Variants in PRKN observed in about 807,000 individuals in gnomAD.
PRKN encodes the protein E3 ubiquitin-protein ligase parkin.
PRKN carries 56 observed loss-of-function variants against 59.5 expected under a neutral mutation model. That is an observed-to-expected ratio of 0.94 (90% CI 0.76 to 1.18). PRKN has a LOEUF of 1.18. Among genes scored for constraint, PRKN ranks in the 50% most tolerant of loss-of-function variants. The pLI is 0.00. For synonymous variants in PRKN, 250 were observed against 222.1 expected (o/e 1.13, Z -1.12); for missense variants, 657 against 596.4 (o/e 1.10, Z -1.06).
At chr6:162,078,001 TAAAAAA>T (rs59795906) in intron 4 of PRKN, among the ~76,000 whole-genome samples, 4 of 123,544 alleles carry the variant, frequency 3.2e-5, no homozygotes, top group East Asian at 2.5e-4. Context: ...ACTCTCTCTC[TAAAAAA>T]AAAAAAAAAA....
intron 1 of PRKN, among the ~76,000 whole-genome samples, chr6:162,536,898 CAT>C (rs1279012623): frequency 2.0e-5 from 3 of 152,130 alleles, no homozygotes; most frequent in African/African-American, 7.2e-5. Context: ...TCACATGTAA[CAT>C]ATGTAAGTCT....
intron 7 of PRKN, among the ~76,000 whole-genome samples, chr6:161,610,126 A>G (rs1272420315): frequency 6.6e-6 from 1 of 152,180 alleles, no homozygotes; most frequent in Admixed American, 6.5e-5. Flanking sequence ...TAGGAACTCA[A>G]ACTGAATTAT....
intron 1 of PRKN, among the ~76,000 whole-genome samples, chr6:162,494,508 A>G (rs1041701126): frequency 6.6e-6 from 1 of 152,178 alleles, no homozygotes; most frequent in African/African-American, 2.4e-5. Flanking sequence ...CCAGCATCCA[A>G]TGTGAGACAA....
chr6:162,672,470 G>T (rs1779360114), intron 1 of PRKN, among the ~76,000 whole-genome samples: 1 of 151,976 alleles, frequency 6.6e-6, no homozygotes, highest in Admixed American at 6.6e-5. Context: ...TTTAACTTTT[G>T]TACTTTAAAG....
chr6:162,524,067 T>C (rs1778182550), intron 1 of PRKN, among the ~76,000 whole-genome samples: 1 of 152,112 alleles, frequency 6.6e-6, no homozygotes. Context: ...AGAAATGGGG[T>C]TAACAACCCT....
intron 9 of PRKN, among the ~76,000 whole-genome samples, chr6:161,404,554 C>T (rs1787180657): frequency 6.6e-6 from 1 of 152,154 alleles, no homozygotes; most frequent in East Asian, 1.9e-4. Flanking sequence ...TCAGTGACCC[C>T]AATGGCATCT....
chr6:162,207,181 G>C (rs184674152), intron 3 of PRKN, among the ~76,000 whole-genome samples: 2 of 152,170 alleles, frequency 1.3e-5, no homozygotes, highest in East Asian at 3.9e-4. Flanking sequence ...GACCATCCTG[G>C]CTAACACGAT....
intron 4 of PRKN, among the ~76,000 whole-genome samples, chr6:162,109,785 T>A (rs1344975651): frequency 6.6e-6 from 1 of 152,212 alleles, no homozygotes; most frequent in Non-Finnish European, 1.5e-5. Context: ...TTGCTTTTTA[T>A]TTCATTTACC....
chr6:161,363,461 G>C lies in PRKN; in HGVS notation c.1168-3256C>G, dbSNP rs1185215368. ...ATAACAAATTAGATACAAATGAAGA[G>C]AGAATTTGTGAACTGAAAGATGGAG... is the stretch of plus-strand genomic sequence containing the variant. On this transcript the variant is annotated intron_variant, in intron 10 of 11. Coordinates refer to ENST00000366898, the MANE Select transcript of PRKN (RefSeq NM_004562.3). The surrounding 1 kb of genome is among the most constrained non-coding windows in gnomAD (Gnocchi z 4.1). 1.3e-5 allele frequency among the ~76,000 whole-genome samples: 2 copies of C among 152,074 alleles called. No individual in the cohort carries two copies. The highest frequency in any genetic ancestry group is 4.8e-5 in the African/African-American group (2 of 41,410).
chr6:162,219,300 C>G (rs998585415), intron 3 of PRKN, among the ~76,000 whole-genome samples: 1 of 152,176 alleles, frequency 6.6e-6, no homozygotes, highest in Non-Finnish European at 1.5e-5. Flanking sequence ...ATCTGTCAAA[C>G]ACTTCTTTAT....
At chr6:161,682,732 G>A (rs546984267) in intron 7 of PRKN, among the ~76,000 whole-genome samples, 1 of 152,244 alleles carries the variant, frequency 6.6e-6, no homozygotes, top group Admixed American at 6.5e-5. Context: ...GGGAGCAGAG[G>A]GCCGCTCTGC....
At chr6:162,650,414 C>T (rs1050103671) in intron 1 of PRKN, among the ~76,000 whole-genome samples, 7 of 151,746 alleles carry the variant, frequency 4.6e-5, no homozygotes, top group Middle Eastern at 3.4e-3. Context: ...CGGCTAAAAA[C>T]GGTGAAACCC....
intron 9 of PRKN, among the ~76,000 whole-genome samples, chr6:161,537,657 T>C (rs973099459): frequency 3.3e-5 from 5 of 152,144 alleles, no homozygotes; most frequent in South Asian, 2.1e-4. Flanking sequence ...TTCACCATGT[T>C]AGCCTGGATG....
chr6:161,679,741 CTTTTTTTTTTTTT>C (rs745812196), intron 7 of PRKN, among the ~76,000 whole-genome samples: 129 of 23,492 alleles, frequency 5.5e-3, no homozygotes, highest in African/African-American at 0.023. Context: ...TCAGAGCCAG[CTTTTTTTTTTTTT>C]TTTTTTTTTT....
At chr6:162,295,459 C>T (rs1781628660) in intron 2 of PRKN, among the ~76,000 whole-genome samples, 2 of 152,180 alleles carry the variant, frequency 1.3e-5, no homozygotes, top group African/African-American at 4.8e-5. Context: ...CCACGTAAGG[C>T]ACCCACAGCA....
rs1014416840 is a variant in PRKN at position 161,876,463 on chromosome 6, C to T, written c.735-90555G>A. Reference sequence around the variant, plus strand: ...AGTAGTTGTGACTACAGGCGCATGCCGTCACACCCAGCTAATTTTTTAAAT... The same window carrying T: ...AGTAGTTGTGACTACAGGCGCATGCTGTCACACCCAGCTAATTTTTTAAAT... On this transcript the variant is annotated intron_variant, in intron 6 of 11. Coordinates refer to ENST00000366898, the MANE Select transcript of PRKN (RefSeq NM_004562.3). 5.3e-5 allele frequency among the ~76,000 whole-genome samples: 8 copies of T among 152,120 alleles called. No homozygotes were observed. In the East Asian group the frequency reaches 5.8e-4, roughly 11 times the overall value.
chr6:162,135,757 TG>T (rs1191258318), intron 4 of PRKN, among the ~76,000 whole-genome samples: 1 of 151,936 alleles, frequency 6.6e-6, no homozygotes, highest in African/African-American at 2.4e-5. Context: ...GCTGAAGGAA[TG>T]GGGGAGGGGA....
chr6:161,978,899 C>T (rs2128253652), intron 5 of PRKN, among the ~76,000 whole-genome samples: 1 of 152,340 alleles, frequency 6.6e-6, no homozygotes, highest in East Asian at 1.9e-4. Context: ...GTGTCCTCTT[C>T]ATCAGGAAGC....
rs980454614 is a variant in PRKN at position 161,578,931 on chromosome 6, T to C, written c.872-9515A>G. Reference sequence around the variant, plus strand: ...AAGTTCTTCCTTTGTTATTGACCTATATTTTGAGTGATTGTGATGATACAT... The same window carrying C: ...AAGTTCTTCCTTTGTTATTGACCTACATTTTGAGTGATTGTGATGATACAT... On this transcript the variant is annotated intron_variant, in intron 7 of 11. Transcript: ENST00000366898. This position sits in a 1 kb window ranked among gnomAD's most constrained non-coding sequence, Gnocchi z 4.2. Among the ~76,000 whole-genome samples the C allele has an allele frequency of 2.0e-5, 3 of 152,264 alleles. No homozygotes were observed. Among genetic ancestry groups the C allele is most frequent in the Non-Finnish European group, 2.9e-5 (2 of 68,046 alleles).
Sources: allele counts gnomAD v4.1 joint callset (sites outside exome capture counted in the v4.1 genomes callset), GRCh38; gene constraint gnomAD v4.1.1; non-coding constraint Gnocchi (gnomAD v3.1); transcripts MANE v1.5; gene names NCBI Gene and HGNC (gene_info 2026-07-23, HGNC 2026-07-21).